Variants in NTM observed in about 807,000 individuals in gnomAD.
NTM encodes the protein IgLON family member 2.
In NTM, 13 loss-of-function variants were observed where a neutral mutation model predicts 42.1. The ratio of observed to expected loss-of-function variants is 0.31; its 90% CI spans 0.20 to 0.49. The LOEUF (loss-of-function observed/expected upper bound fraction) is 0.49, where lower values mean the gene tolerates loss of function less well. Ranked by LOEUF, NTM falls within the 20% of genes least tolerant of loss-of-function variation. The pLI is 0.99. For missense variants in NTM, 373 were observed against 452.8 expected (o/e 0.82, Z 1.60); for synonymous variants, 187 against 179.2 (o/e 1.04, Z -0.35).
chr11:131,661,134 G>T, intron 1 of NTM: 1 of 917,420 alleles, frequency 1.1e-6, no homozygotes. Flanking sequence ...CTTTCCTCAG[G>T]ACGGAAGGTC....
chr11:131,498,153 T>G (rs1021757648), intron 1 of NTM, among the ~76,000 whole-genome samples: 1 of 152,194 alleles, frequency 6.6e-6, no homozygotes, highest in Non-Finnish European at 1.5e-5. Flanking sequence ...CTATTTTCAC[T>G]TGGCGGCACC....
At chr11:131,826,121 C>G (rs1392865554) in intron 1 of NTM, among the ~76,000 whole-genome samples, 4 of 151,928 alleles carry the variant, frequency 2.6e-5, no homozygotes, top group African/African-American at 9.7e-5. Context: ...ACAGGAGAAT[C>G]AGAAGAAGAG....
chr11:131,417,290 A>G (rs965940087), intron 1 of NTM, among the ~76,000 whole-genome samples: 1 of 152,226 alleles, frequency 6.6e-6, no homozygotes, highest in Non-Finnish European at 1.5e-5. Flanking sequence ...GCTCAGGGCT[A>G]ACTCTAATAA....
At chr11:132,206,863 G>A (rs2082063302) in intron 3 of NTM, among the ~76,000 whole-genome samples, 1 of 152,172 alleles carries the variant, frequency 6.6e-6, no homozygotes. Context: ...GTAACTCATA[G>A]CACTTAAAGT....
In NTM at chr11:131,924,083, G is replaced by A. The variant is rs146311238; in HGVS notation, c.167+12435G>A. On this transcript the variant is annotated intron_variant, in intron 2 of 8. Coordinates refer to ENST00000683400, the MANE Select transcript of NTM (RefSeq NM_001352005.2). ...GCAGTGGGCCCGTGGTGGGCAGAGGGCAGGGTGTACCTCTCGTGACCCTGG... is the reference window on the plus strand; with the variant it reads ...GCAGTGGGCCCGTGGTGGGCAGAGGACAGGGTGTACCTCTCGTGACCCTGG... Among the ~76,000 whole-genome samples the A allele has an allele frequency of 6.0e-3, 910 of 152,358 alleles. 6 individuals carry two copies. The highest frequency in any genetic ancestry group is 0.021 in the African/African-American group (878 of 41,588).
chr11:131,837,614 G>A (rs2043678984), intron 1 of NTM, among the ~76,000 whole-genome samples: 1 of 152,140 alleles, frequency 6.6e-6, no homozygotes, highest in Admixed American at 6.5e-5. Context: ...GGCCTGGGTG[G>A]TCCCGGATCC....
intron 2 of NTM, among the ~76,000 whole-genome samples, chr11:132,102,285 C>T (rs560255982): frequency 6.6e-5 from 10 of 152,102 alleles, no homozygotes; most frequent in Non-Finnish European, 1.3e-4. Flanking sequence ...GAGAATAAAC[C>T]TGAAGGGGAC....
chr11:131,882,622 C>T (rs554069017), intron 1 of NTM, among the ~76,000 whole-genome samples: 1 of 152,064 alleles, frequency 6.6e-6, no homozygotes, highest in African/African-American at 2.4e-5. Context: ...CGGAGTATCT[C>T]GTGAAGAGAG....
intron 1 of NTM, among the ~76,000 whole-genome samples, chr11:131,614,092 G>T (rs1307827246): frequency 6.6e-6 from 1 of 152,120 alleles, no homozygotes; most frequent in African/African-American, 2.4e-5. Context: ...CCCAGGACTT[G>T]CAAGGTTCAC....
intron 4 of NTM, among the ~76,000 whole-genome samples, chr11:132,246,554 T>G (rs2091196427): frequency 6.6e-6 from 1 of 152,214 alleles, no homozygotes; most frequent in African/African-American, 2.4e-5. Flanking sequence ...GATAGTTGAC[T>G]CCCTCTCTGG....
At chr11:131,446,736 G>T (rs1430440988) in intron 1 of NTM, among the ~76,000 whole-genome samples, 1 of 152,168 alleles carries the variant, frequency 6.6e-6, no homozygotes, top group Non-Finnish European at 1.5e-5. Flanking sequence ...CATATGTATG[G>T]CCATTGCTGA....
chr11:132,313,620 G>T (rs1253089398), intron 6 of NTM, among the ~76,000 whole-genome samples: 1 of 152,198 alleles, frequency 6.6e-6, no homozygotes, highest in Non-Finnish European at 1.5e-5. Context: ...AAGGAAAGTA[G>T]GTGGTATCCA....
intron 1 of NTM, among the ~76,000 whole-genome samples, chr11:131,586,532 C>T (rs1163349031): frequency 6.6e-6 from 1 of 152,140 alleles, no homozygotes; most frequent in Non-Finnish European, 1.5e-5. Flanking sequence ...GGCAGATCTG[C>T]TCCTCCTCCT....
rs1314738494 is a variant in NTM at position 131,511,757 on chromosome 11, G to T, written c.82+140869G>T. Among the ~76,000 whole-genome samples the T allele has an allele frequency of 2.0e-5, 3 of 152,128 alleles. No homozygotes were observed. The East Asian group carries it at 5.8e-4, about 29-fold the overall frequency. ...TCCTTTCTGTGCATACTGCTAAATAGGCAACATCTAGTTCCATTCGGACCC... is the reference window on the plus strand; with the variant it reads ...TCCTTTCTGTGCATACTGCTAAATATGCAACATCTAGTTCCATTCGGACCC... On this transcript the variant is annotated intron_variant, in intron 1 of 8. Transcript: ENST00000683400.
At chr11:131,550,632 A>G (rs530545573) in intron 1 of NTM, among the ~76,000 whole-genome samples, 21 of 152,294 alleles carry the variant, frequency 1.4e-4, no homozygotes, top group Admixed American at 1.0e-3. Context: ...AGCCTGTGGA[A>G]CCATGAGCCA....
At chr11:131,559,150 A>T (rs937545117) in intron 1 of NTM, among the ~76,000 whole-genome samples, 8 of 152,186 alleles carry the variant, frequency 5.3e-5, no homozygotes, top group African/African-American at 1.7e-4. Flanking sequence ...TTTACTTCCC[A>T]CGGCCAGCGT....
intron 1 of NTM, among the ~76,000 whole-genome samples, chr11:131,609,865 C>T (rs2061329728): frequency 6.6e-6 from 1 of 152,184 alleles, no homozygotes; most frequent in African/African-American, 2.4e-5. Flanking sequence ...GGACCAAACA[C>T]AGGCTTTCCA....
At chr11:131,591,381 G>A (rs1403181718) in intron 1 of NTM, among the ~76,000 whole-genome samples, 1 of 152,186 alleles carries the variant, frequency 6.6e-6, no homozygotes, top group African/African-American at 2.4e-5. Flanking sequence ...GCCTCCCGTG[G>A]GCCTGCTTGG....
chr11:132,112,724 C>T (rs2063382688), intron 2 of NTM, among the ~76,000 whole-genome samples: 1 of 132,210 alleles, frequency 7.6e-6, no homozygotes. Context: ...CACTTACACA[C>T]ACACACACAC....
Sources: allele counts gnomAD v4.1 joint callset (sites outside exome capture counted in the v4.1 genomes callset), GRCh38; gene constraint gnomAD v4.1.1; transcripts MANE v1.5; gene names NCBI Gene and HGNC (gene_info 2026-07-23, HGNC 2026-07-21).